Variants in XKR6 observed in about 807,000 individuals in gnomAD.
XKR6 encodes XK related 6.
In XKR6, 22 loss-of-function variants were observed where a neutral mutation model predicts 56.7. The observed-to-expected ratio is 0.39, with a 90% CI of 0.28 to 0.55. The LOEUF (loss-of-function observed/expected upper bound fraction) is 0.55, where lower values mean the gene tolerates loss of function less well. XKR6 is among the 20% of genes least tolerant of loss of function. The probability of loss-of-function intolerance (pLI) is 0.66; values close to 1 mark genes in which losing one functional copy is unlikely to be tolerated. For synonymous variants in XKR6, 524 were observed against 387.8 expected, an observed-to-expected ratio of 1.35 and a Z score of -4.13; for missense variants, 852 against 889.0, an observed-to-expected ratio of 0.96 and a Z score of 0.53.
intron 1 of XKR6, among the ~76,000 whole-genome samples, chr8:11,002,929 A>G (rs1323776189): frequency 6.6e-6 from 1 of 152,158 alleles, no homozygotes; most frequent in Non-Finnish European, 1.5e-5. Flanking sequence ...GTTGAATCAG[A>G]TGTTGGATAG....
chr8:11,075,979 T>C (rs79508166), intron 1 of XKR6, among the ~76,000 whole-genome samples: 4 of 152,328 alleles, frequency 2.6e-5, no homozygotes, highest in African/African-American at 9.6e-5. Flanking sequence ...CCAGCGTCAC[T>C]TGACACATGA....
chr8:11,037,513 C>T (rs1330617460), intron 1 of XKR6, among the ~76,000 whole-genome samples: 1 of 152,252 alleles, frequency 6.6e-6, no homozygotes, highest in Admixed American at 6.5e-5. Flanking sequence ...GCATGAGCCA[C>T]TGCACCCAGC....
At chr8:11,146,227 A>G (rs898253899) in intron 1 of XKR6, among the ~76,000 whole-genome samples, 1 of 152,268 alleles carries the variant, frequency 6.6e-6, no homozygotes, top group African/African-American at 2.4e-5. Flanking sequence ...AGAACTAGAT[A>G]TTAAACTTTA....
At position 11,060,275 on chromosome 8, in the gene XKR6, G is replaced by A. The variant is rs575985567; in HGVS notation, c.765-135445C>T. 4.6e-5 allele frequency among the ~76,000 whole-genome samples: 7 copies of A among 152,284 alleles called. No homozygotes were observed. The South Asian group carries it at 1.0e-3, about 23-fold the overall frequency. ...GGTGAGACAGCTAGTGTGGGGAGGA[G>A]ACAGCCAGCAGCAGGGCTTTCCCTT... On this transcript the variant is annotated intron_variant, in intron 1 of 2. Coordinates refer to ENST00000416569, the MANE Select transcript of XKR6 (RefSeq NM_173683.4).
At chr8:11,037,165 A>C (rs1466054350) in intron 1 of XKR6, among the ~76,000 whole-genome samples, 1 of 152,242 alleles carries the variant, frequency 6.6e-6, no homozygotes, top group Non-Finnish European at 1.5e-5. Flanking sequence ...TGAGCTGTTA[A>C]AAAAACTTTT....
At chr8:11,101,219 T>G (rs895631240) in intron 1 of XKR6, among the ~76,000 whole-genome samples, 1 of 152,004 alleles carries the variant, frequency 6.6e-6, no homozygotes, top group Non-Finnish European at 1.5e-5. Flanking sequence ...TACACGAGAG[T>G]CATTGAAACT....
intron 1 of XKR6, among the ~76,000 whole-genome samples, chr8:11,040,191 C>A (rs545977418): frequency 2.0e-5 from 3 of 151,992 alleles, no homozygotes; most frequent in Non-Finnish European, 4.4e-5. Flanking sequence ...TCCACTCCTG[C>A]AGGAACAGGA....
chr8:11,013,292 G>A (rs1402756873), intron 1 of XKR6, among the ~76,000 whole-genome samples: 1 of 152,184 alleles, frequency 6.6e-6, no homozygotes, highest in Non-Finnish European at 1.5e-5. Flanking sequence ...ACCACCATGT[G>A]GTTTTCTAAA....
At chr8:11,155,097 T>G (rs554993650) in intron 1 of XKR6, among the ~76,000 whole-genome samples, 1 of 152,360 alleles carries the variant, frequency 6.6e-6, no homozygotes, top group South Asian at 2.1e-4. Flanking sequence ...CCCCAACCAC[T>G]GGCACCTGCT....
chr8:11,056,541 C>T (rs1799689605), intron 1 of XKR6, among the ~76,000 whole-genome samples: 1 of 152,182 alleles, frequency 6.6e-6, no homozygotes, highest in Non-Finnish European at 1.5e-5. Flanking sequence ...TGCAACTCCT[C>T]AAAGAGCACC....
Position 10,898,477 on chromosome 8 carries a change from C to G in XKR6, c.1401G>C (p.Glu467Asp). Residue 467 changes from glutamate to aspartate, a missense_variant, in exon 3 of 3, where the codon GAG (glutamate) becomes GAC (aspartate). Glu to Asp is a conservative substitution (Grantham distance 45, BLOSUM62 2). Around this residue, in one of 4 missense-constraint regions of XKR6, gnomAD observed 197 missense variants for 190.9 expected, o/e 1.03. Transcript: ENST00000416569. The surrounding 1 kb of genome is among the most constrained non-coding windows in gnomAD (Gnocchi z 6.6). ...CTGGCACCGCATAGGAGTCAGTGGTCTCCGGGTCTCTGTAAAAATACCAAA... is the reference window on the plus strand; with the variant it reads ...CTGGCACCGCATAGGAGTCAGTGGTGTCCGGGTCTCTGTAAAAATACCAAA... ...TFLWYFYRDP[E>D]TTDSYAVPAL... 1.2e-6 allele frequency: 2 copies of G among 1,613,922 alleles called. No homozygotes were observed. Among genetic ancestry groups the G allele is most frequent in the Non-Finnish European group, 1.7e-6 (2 of 1,180,016 alleles).
chr8:10,906,632 A>G (rs1360829058), intron 2 of XKR6, among the ~76,000 whole-genome samples: 1 of 152,206 alleles, frequency 6.6e-6, no homozygotes, highest in African/African-American at 2.4e-5. Context: ...GCACTGACAT[A>G]CTCATTTTCA....
intron 1 of XKR6, among the ~76,000 whole-genome samples, chr8:11,007,717 C>A (rs529871952): frequency 4.5e-4 from 69 of 152,310 alleles, no homozygotes; most frequent in African/African-American, 1.6e-3. Flanking sequence ...CTTACCTACT[C>A]CTGGTTGCTG....
At chr8:11,052,664 C>T (rs939203906) in intron 1 of XKR6, among the ~76,000 whole-genome samples, 2 of 152,108 alleles carry the variant, frequency 1.3e-5, no homozygotes, top group African/African-American at 4.8e-5. Flanking sequence ...CTCCCCATTG[C>T]CCGCACCTTG....
intron 1 of XKR6, among the ~76,000 whole-genome samples, chr8:11,054,752 A>T (rs1369850248): frequency 6.6e-6 from 1 of 152,034 alleles, no homozygotes; most frequent in Non-Finnish European, 1.5e-5. Flanking sequence ...ACGGGGTGTG[A>T]TATTGCTGGT....
intron 1 of XKR6, among the ~76,000 whole-genome samples, chr8:11,059,659 CGCGGGGCGG>C (rs1563110049): frequency 2.2e-4 from 28 of 129,314 alleles, no homozygotes; most frequent in African/African-American, 1.2e-3. Flanking sequence ...GTGCGGGGGG[CGCGGGGCGG>C]GACAGGTGCG....
At chr8:11,185,476 C>T (rs948229034) in intron 1 of XKR6, among the ~76,000 whole-genome samples, 1 of 152,164 alleles carries the variant, frequency 6.6e-6, no homozygotes, top group Non-Finnish European at 1.5e-5. Flanking sequence ...TGAAGATTTA[C>T]TGTATGGGGT....
At chr8:10,961,161 A>G (rs1052578965) in intron 1 of XKR6, among the ~76,000 whole-genome samples, 3 of 152,140 alleles carry the variant, frequency 2.0e-5, no homozygotes, top group East Asian at 3.9e-4. Context: ...CAGCAGAAGA[A>G]GTTGCATTTT....
At position 11,196,078 on chromosome 8, in the gene XKR6, A is replaced by G. The variant is rs148776181; in HGVS notation, c.764+4498T>C. Among the ~76,000 whole-genome samples, 178 of 152,248 alleles carry G rather than the reference A, an allele frequency of 1.2e-3. 2 individuals carry two copies. The East Asian group carries it at 0.031, about 26-fold the overall frequency. On this transcript the variant is annotated intron_variant, in intron 1 of 2. Coordinates refer to ENST00000416569, the MANE Select transcript of XKR6 (RefSeq NM_173683.4). ...ACAAATGCAAGTATACAATCTATTA[A>G]TGTGTCTATAATGGTACCCTGGCCC...
Sources: gnomAD v4.1 joint callset for allele counts (sites outside exome capture counted in the v4.1 genomes callset) on GRCh38, gnomAD v4.1.1 for gene constraint, gnomAD v4.1.1 regional missense constraint, Gnocchi (gnomAD v3.1) non-coding constraint, MANE v1.5 for transcripts, NCBI Gene and HGNC (gene_info 2026-07-23, HGNC 2026-07-21) for gene names.